OPCML: variants seen among roughly 807,000 people sequenced by gnomAD.
The protein encoded by OPCML is opioid binding protein/cell adhesion molecule like.
Under a neutral mutation model 37.8 loss-of-function variants are expected in OPCML, and 13 were observed. The ratio of observed to expected loss-of-function variants is 0.34; its 90% CI spans 0.22 to 0.55. The LOEUF (loss-of-function observed/expected upper bound fraction) is 0.55. Among genes scored for constraint, OPCML ranks in the 20% least tolerant of loss-of-function variants. OPCML has a pLI of 0.91. For missense variants in OPCML, 341 were observed against 435.6 expected (o/e 0.78, Z 1.93); for synonymous variants, 176 against 168.8 (o/e 1.04, Z -0.33).
intron 3 of OPCML, among the ~76,000 whole-genome samples, chr11:132,600,720 G>GTTA (rs144594986): frequency 0.13 from 20,251 of 151,626 alleles, 2,295 homozygotes; most frequent in African/African-American, 0.29. Flanking sequence ...AAATACCCAG[G>GTTA]TTATTATAAC....
At chr11:133,355,339 T>C (rs1385774706) in intron 1 of OPCML, among the ~76,000 whole-genome samples, 1 of 152,188 alleles carries the variant, frequency 6.6e-6, no homozygotes, top group African/African-American at 2.4e-5. Context: ...AATTAACCAA[T>C]TTTCACAACA....
chr11:133,028,964 A>G (rs899892507), intron 1 of OPCML, among the ~76,000 whole-genome samples: 4 of 152,146 alleles, frequency 2.6e-5, no homozygotes, highest in African/African-American at 9.6e-5. Flanking sequence ...CAAACTATGC[A>G]CCTGACAAAG....
intron 1 of OPCML, among the ~76,000 whole-genome samples, chr11:133,040,232 G>T (rs1947864385): frequency 6.6e-6 from 1 of 151,864 alleles, no homozygotes; most frequent in Admixed American, 6.6e-5. Flanking sequence ...TTCACCTCTG[G>T]AATGCCTTCA....
intron 2 of OPCML, among the ~76,000 whole-genome samples, chr11:132,720,654 A>G (rs539999667): frequency 1.3e-5 from 2 of 152,226 alleles, no homozygotes; most frequent in Non-Finnish European, 1.5e-5. Context: ...GGATGGAATT[A>G]TGGAGAGATG....
intron 4 of OPCML, among the ~76,000 whole-genome samples, chr11:132,513,730 A>G (rs569290996): frequency 1.6e-4 from 25 of 152,262 alleles, no homozygotes; most frequent in African/African-American, 4.6e-4. Context: ...CACCTCTTCC[A>G]GGATGCCATC....
intron 2 of OPCML, among the ~76,000 whole-genome samples, chr11:132,767,095 T>C (rs2136112040): frequency 6.6e-6 from 1 of 152,330 alleles, no homozygotes; most frequent in Non-Finnish European, 1.5e-5. Context: ...TGATGAAATA[T>C]TAACAGTAGG....
intron 2 of OPCML, among the ~76,000 whole-genome samples, chr11:132,715,197 C>T (rs937658831): frequency 1.1e-4 from 16 of 152,320 alleles, no homozygotes; most frequent in Admixed American, 6.5e-4. Context: ...TAGCTCAGCG[C>T]TGGCTTTTCA....
intron 1 of OPCML, among the ~76,000 whole-genome samples, chr11:133,480,995 T>C (rs1947359807): frequency 6.6e-6 from 1 of 152,362 alleles, no homozygotes; most frequent in African/African-American, 2.4e-5. Flanking sequence ...TTGTTCACAC[T>C]GAGTGGGGCC....
chr11:132,496,477 A>C (rs985668528), intron 4 of OPCML, among the ~76,000 whole-genome samples: 3 of 152,228 alleles, frequency 2.0e-5, no homozygotes, highest in African/African-American at 7.2e-5. Flanking sequence ...TTCTCCTAGA[A>C]CACTGCTCTT....
rs941397580 is a variant in OPCML, at chr11:133,205,954, G to A, written c.62-262944C>T. Among the ~76,000 whole-genome samples the A allele has an allele frequency of 4.6e-5, 7 of 152,160 alleles. No homozygotes were observed. The highest frequency in any genetic ancestry group is 1.7e-4 in the African/African-American group (7 of 41,448). On this transcript the variant is annotated intron_variant, in intron 1 of 7. Coordinates refer to ENST00000524381, the MANE Select transcript of OPCML (RefSeq NM_001012393.5). The surrounding 1 kb of genome is among the most constrained non-coding windows in gnomAD (Gnocchi z 4.8). ...CAGACAGCTCTGTAATCTTGCACAA[G>A]TTATGTATATCCACTTAGCCCCAGC...
At chr11:133,270,592 A>G (rs1941800635) in intron 1 of OPCML, among the ~76,000 whole-genome samples, 1 of 152,148 alleles carries the variant, frequency 6.6e-6, no homozygotes, top group African/African-American at 2.4e-5. Flanking sequence ...TCCCATAGCA[A>G]TTTCTTGTTC....
intron 1 of OPCML, among the ~76,000 whole-genome samples, chr11:133,261,675 A>G (rs989542193): frequency 1.3e-5 from 2 of 152,272 alleles, no homozygotes; most frequent in African/African-American, 4.8e-5. Context: ...GGAACAGCGC[A>G]TAGTACATGC....
intron 3 of OPCML, among the ~76,000 whole-genome samples, chr11:132,576,748 T>G (rs2096451836): frequency 1.3e-5 from 2 of 152,198 alleles, no homozygotes; most frequent in African/African-American, 4.8e-5. Context: ...TGACTTCTTC[T>G]ATACAGGAGA....
intron 1 of OPCML, among the ~76,000 whole-genome samples, chr11:132,970,123 G>T (rs961667405): frequency 3.3e-5 from 5 of 152,250 alleles, no homozygotes; most frequent in South Asian, 2.1e-4. Flanking sequence ...TCCAGGTCAT[G>T]GTGCCCCCTC....
At chr11:133,516,523 C>T (rs1446426150) in intron 1 of OPCML, among the ~76,000 whole-genome samples, 1 of 152,186 alleles carries the variant, frequency 6.6e-6, no homozygotes, top group African/African-American at 2.4e-5. Flanking sequence ...CCGAGTTTTG[C>T]TCTTTTCTGT....
At chr11:132,453,759 C>A (rs2096074522) in intron 4 of OPCML, among the ~76,000 whole-genome samples, 1 of 152,164 alleles carries the variant, frequency 6.6e-6, no homozygotes, top group African/African-American at 2.4e-5. Context: ...CTCAAAGAAG[C>A]CTTGAAATGT....
chr11:133,445,132 C>A (rs7110404), intron 1 of OPCML, among the ~76,000 whole-genome samples: 6 of 104,690 alleles, frequency 5.7e-5, no homozygotes, highest in African/African-American at 2.2e-4. Context: ...GACCACCACA[C>A]CCCATCTACA....
At chr11:133,269,965 T>C (rs768823479) in intron 1 of OPCML, among the ~76,000 whole-genome samples, 1 of 152,170 alleles carries the variant, frequency 6.6e-6, no homozygotes, top group Non-Finnish European at 1.5e-5. Context: ...TAGATAACTA[T>C]GAGATATAAC....
intron 1 of OPCML, chr11:133,003,767 G>T: frequency 2.0e-6 from 2 of 985,406 alleles, no homozygotes; most frequent in South Asian, 9.4e-5. Flanking sequence ...TGAATTCTGA[G>T]CAGTGGATTA....
Sources: allele counts gnomAD v4.1 joint callset (sites outside exome capture counted in the v4.1 genomes callset), GRCh38; gene constraint gnomAD v4.1.1; non-coding constraint Gnocchi (gnomAD v3.1); transcripts MANE v1.5; gene names NCBI Gene and HGNC (gene_info 2026-07-23, HGNC 2026-07-21).